The following EXOC4 variants were observed in gnomAD, a reference collection of about 807,000 sequenced individuals.
EXOC4 encodes exocyst complex component 4.
Under a neutral mutation model 107.2 loss-of-function variants are expected in EXOC4, and 71 were observed. The observed-to-expected ratio is 0.66, with a 90% CI of 0.55 to 0.81. EXOC4 has a LOEUF of 0.81. EXOC4 is among the 30% of genes least tolerant of loss of function. The probability of loss-of-function intolerance (pLI) is 0.00; values close to 1 mark genes in which losing one functional copy is unlikely to be tolerated. For synonymous variants in EXOC4, 456 were observed against 441.2 expected (o/e 1.03, Z -0.42); for missense variants, 1,108 against 1,189.6 (o/e 0.93, Z 1.01).
At chr7:133,322,807 G>A (rs1427502398) in intron 5 of EXOC4, among the ~76,000 whole-genome samples, 3 of 152,132 alleles carry the variant, frequency 2.0e-5, no homozygotes, top group African/African-American at 7.2e-5. Flanking sequence ...AATTACTTTG[G>A]GCAGTATGGC....
chr7:133,482,927 G>A (rs1799188810), intron 9 of EXOC4, among the ~76,000 whole-genome samples: 1 of 152,088 alleles, frequency 6.6e-6, no homozygotes, highest in Non-Finnish European at 1.5e-5. Flanking sequence ...TCATTTGGAT[G>A]GGCTTCCCTG....
At chr7:133,951,352 A>G (rs1585272587) in intron 14 of EXOC4, among the ~76,000 whole-genome samples, 1 of 152,226 alleles carries the variant, frequency 6.6e-6, no homozygotes, top group South Asian at 2.1e-4. Context: ...CTCATAGGTT[A>G]TTTGGAGGCT....
intron 14 of EXOC4, among the ~76,000 whole-genome samples, chr7:133,955,938 G>C (rs1482249162): frequency 1.3e-5 from 2 of 152,232 alleles, no homozygotes; most frequent in East Asian, 1.9e-4. Context: ...TGAGCCTTCA[G>C]GGGCAGTTGG....
chr7:134,073,205 CAAAAAAAAAAAAA>C, the EXOC4 span, among the ~76,000 whole-genome samples: 3 of 22,598 alleles, frequency 1.3e-4, no homozygotes, highest in South Asian at 3.8e-3. Flanking sequence ...GACTTCCTCT[CAAAAAAAAAAAAA>C]AAAAAAAAAA....
chr7:133,296,756 TTC>T (rs1486690752), intron 3 of EXOC4, among the ~76,000 whole-genome samples: 1 of 152,140 alleles, frequency 6.6e-6, no homozygotes, highest in African/African-American at 2.4e-5. Context: ...CCAATGGAAA[TTC>T]TGTTTTATTG....
chr7:133,264,672 C>A (rs1793676763), intron 1 of EXOC4, among the ~76,000 whole-genome samples: 3 of 152,158 alleles, frequency 2.0e-5, no homozygotes. Context: ...ACACATTAAA[C>A]TCATAATTCT....
intron 4 of EXOC4, among the ~76,000 whole-genome samples, chr7:133,311,629 A>G (rs1013617685): frequency 1.3e-5 from 2 of 152,208 alleles, no homozygotes; most frequent in African/African-American, 4.8e-5. Context: ...AGCATATCAG[A>G]AGACATAAAG....
chr7:133,311,568 A>C (rs1245038627), intron 4 of EXOC4, among the ~76,000 whole-genome samples: 2 of 152,204 alleles, frequency 1.3e-5, no homozygotes, highest in Non-Finnish European at 2.9e-5. Flanking sequence ...ATAGCACTGT[A>C]TTAGCATTAG....
intron 9 of EXOC4, among the ~76,000 whole-genome samples, chr7:133,508,058 T>C (rs541522039): frequency 6.7e-6 from 1 of 150,186 alleles, no homozygotes; most frequent in Admixed American, 6.6e-5. Flanking sequence ...CAAAACTCCG[T>C]CTCAAAAAAA....
At chr7:133,342,214 GTTC>G (rs2150628181) in intron 5 of EXOC4, among the ~76,000 whole-genome samples, 1 of 152,162 alleles carries the variant, frequency 6.6e-6, no homozygotes, top group Non-Finnish European at 1.5e-5. Flanking sequence ...CCTGTTAGCA[GTTC>G]TTGTGGTGGC....
At chr7:133,886,738 A>G (rs945551622) in intron 11 of EXOC4, among the ~76,000 whole-genome samples, 1 of 152,210 alleles carries the variant, frequency 6.6e-6, no homozygotes, top group African/African-American at 2.4e-5. Context: ...TCTCAAAATT[A>G]ATAATGTGTC....
chr7:133,782,005 C>T (rs917362055), intron 10 of EXOC4, among the ~76,000 whole-genome samples: 1 of 152,104 alleles, frequency 6.6e-6, no homozygotes, highest in South Asian at 2.1e-4. Context: ...CTTTGTAATC[C>T]TAGCCTATGT....
intron 7 of EXOC4, among the ~76,000 whole-genome samples, chr7:133,462,532 T>C (rs1453002851): frequency 6.6e-6 from 1 of 152,190 alleles, no homozygotes; most frequent in Non-Finnish European, 1.5e-5. Context: ...CCCCTCCCTC[T>C]GTTTCCTCAT....
chr7:133,436,948 G>A (rs1362164738), intron 7 of EXOC4, among the ~76,000 whole-genome samples: 1 of 151,998 alleles, frequency 6.6e-6, no homozygotes, highest in Non-Finnish European at 1.5e-5. Context: ...TCTATAAATT[G>A]AGGATGAACT....
At position 133,895,546 on chromosome 7, in the gene EXOC4, C is replaced by G. The variant is rs372560448; in HGVS notation, c.1735-53C>G. The G allele has an allele frequency of 9.5e-6, 15 of 1,577,786 alleles. No homozygotes were observed. In the African/African-American group the frequency reaches 1.6e-4, roughly 17 times the overall value. ...CATACTTGGAGTTGTCCTTCCTTGT[C>G]CAACACATTGACTACAGAAATCTCA... On this transcript the variant is annotated intron_variant, in intron 11 of 17. Transcript: ENST00000253861.
chr7:133,952,539 G>A (rs950769250), intron 14 of EXOC4, among the ~76,000 whole-genome samples: 2 of 152,140 alleles, frequency 1.3e-5, no homozygotes, highest in African/African-American at 4.8e-5. Flanking sequence ...CCAGTTTGGT[G>A]GCATTCAGTA....
At chr7:134,052,146 C>T (rs2116586189) in intron 17 of EXOC4, among the ~76,000 whole-genome samples, 1 of 152,130 alleles carries the variant, frequency 6.6e-6, no homozygotes, top group African/African-American at 2.4e-5. Context: ...AAAGGACAGG[C>T]AGTGAATACA....
chr7:133,744,126 T>C (rs2151131572), intron 10 of EXOC4, among the ~76,000 whole-genome samples: 1 of 151,492 alleles, frequency 6.6e-6, no homozygotes, highest in African/African-American at 2.4e-5. Flanking sequence ...GGTACACATT[T>C]CCTGGAGGCA....
At chr7:133,767,153 G>T (rs1435788323) in intron 10 of EXOC4, among the ~76,000 whole-genome samples, 1 of 151,546 alleles carries the variant, frequency 6.6e-6, no homozygotes. Context: ...TCTCTGAAAT[G>T]CCAATCTAAG....
Sources: gnomAD v4.1 joint callset for allele counts (sites outside exome capture counted in the v4.1 genomes callset) on GRCh38, gnomAD v4.1.1 for gene constraint, MANE v1.5 for transcripts, NCBI Gene and HGNC (gene_info 2026-07-23, HGNC 2026-07-21) for gene names.